Variants in DLGAP1 observed in about 807,000 individuals in gnomAD.
The protein encoded by DLGAP1 is DLG associated protein 1, also known as disks large-associated protein 1.
In DLGAP1, 11 loss-of-function variants were observed where a neutral mutation model predicts 90.8. The ratio of observed to expected loss-of-function variants is 0.12; its 90% CI spans 0.08 to 0.20. The LOEUF is 0.20. Among genes scored for constraint, DLGAP1 ranks in the 10% least tolerant of loss-of-function variants. The pLI is 1.00. For synonymous variants in DLGAP1, 558 were observed against 540.7 expected, an observed-to-expected ratio of 1.03 and a Z score of -0.44; for missense variants, 1,050 against 1,333.8, an observed-to-expected ratio of 0.79 and a Z score of 3.31.
chr18:4,391,758 C>T (rs1027460203), intron 1 of DLGAP1, among the ~76,000 whole-genome samples: 4 of 152,110 alleles, frequency 2.6e-5, no homozygotes, highest in Admixed American at 6.5e-5. Context: ...CTCCCAGAAA[C>T]GCATGTTCTT....
chr18:3,880,248 A>G, intron 3 of DLGAP1, 108 bp from the exon 4 acceptor site: 1 of 627,412 alleles, frequency 1.6e-6, no homozygotes, highest in Non-Finnish European at 2.8e-6. Context: ...CACAGGCGCC[A>G]TCTCTGCTTC....
intron 10 of DLGAP1, among the ~76,000 whole-genome samples, chr18:3,523,630 G>A (rs12709596): frequency 0.45 from 68,045 of 150,996 alleles, 16,572 homozygotes; most frequent in African/African-American, 0.64. Context: ...GGCGGATCAC[G>A]AGGTCAGGAG....
At chr18:4,356,956 C>T (rs1438672820) in intron 1 of DLGAP1, among the ~76,000 whole-genome samples, 1 of 151,980 alleles carries the variant, frequency 6.6e-6, no homozygotes, top group Non-Finnish European at 1.5e-5. Flanking sequence ...ACAAGGATAA[C>T]ACTCCCCCTT....
intron 1 of DLGAP1, among the ~76,000 whole-genome samples, chr18:4,345,097 C>T (rs935588329): frequency 6.6e-6 from 1 of 152,126 alleles, no homozygotes; most frequent in African/African-American, 2.4e-5. Flanking sequence ...CAACATCCGT[C>T]CACCCAAGAT....
chr18:3,556,079 C>T (rs996466741), intron 9 of DLGAP1, among the ~76,000 whole-genome samples: 1 of 152,208 alleles, frequency 6.6e-6, no homozygotes, highest in African/African-American at 2.4e-5. Flanking sequence ...CCCAGGACAA[C>T]ACACTGAGGT....
At chr18:3,571,022 A>T (rs2054750484) in intron 8 of DLGAP1, among the ~76,000 whole-genome samples, 1 of 151,908 alleles carries the variant, frequency 6.6e-6, no homozygotes, top group African/African-American at 2.4e-5. Context: ...AAACTTTAAC[A>T]TCAAATTGTC....
chr18:4,352,695 AC>A (rs1232222242), intron 1 of DLGAP1, among the ~76,000 whole-genome samples: 1 of 152,010 alleles, frequency 6.6e-6, no homozygotes, highest in Non-Finnish European at 1.5e-5. Context: ...ACATTTCCCC[AC>A]CCAGGACAAC....
chr18:3,920,407 G>A (rs555820389), intron 3 of DLGAP1, among the ~76,000 whole-genome samples: 2 of 148,892 alleles, frequency 1.3e-5, no homozygotes, highest in African/African-American at 2.5e-5. Flanking sequence ...TTTTCGTGAT[G>A]TGTTATATAC....
chr18:4,272,997 C>A (rs1401565506), intron 1 of DLGAP1, among the ~76,000 whole-genome samples: 1 of 152,082 alleles, frequency 6.6e-6, no homozygotes, highest in Non-Finnish European at 1.5e-5. Flanking sequence ...TAGGATGCAT[C>A]AAGGAGGGAT....
At chr18:4,270,731 T>G (rs1488472007) in intron 1 of DLGAP1, among the ~76,000 whole-genome samples, 2 of 151,924 alleles carry the variant, frequency 1.3e-5, no homozygotes, top group Admixed American at 1.3e-4. Context: ...TCAATTTTAA[T>G]TTAGTAATCA....
chr18:3,802,990 G>T (rs1378352532), intron 5 of DLGAP1, among the ~76,000 whole-genome samples: 1 of 152,094 alleles, frequency 6.6e-6, no homozygotes, highest in Admixed American at 6.6e-5. Flanking sequence ...CTGAAGAAAG[G>T]CTACCTAAAA....
intron 1 of DLGAP1, among the ~76,000 whole-genome samples, chr18:4,267,954 ACTTC>A (rs1157063100): frequency 6.6e-6 from 1 of 152,224 alleles, no homozygotes; most frequent in Non-Finnish European, 1.5e-5. Context: ...ACATACTATC[ACTTC>A]TGCCATATTC....
intron 7 of DLGAP1, among the ~76,000 whole-genome samples, chr18:3,632,069 C>T (rs1167133115): frequency 6.6e-6 from 1 of 152,184 alleles, no homozygotes; most frequent in African/African-American, 2.4e-5. Context: ...GCCACTGTGC[C>T]TGGCCTCACA....
At chr18:4,425,687 A>C (rs1377089322) in intron 1 of DLGAP1, among the ~76,000 whole-genome samples, 1 of 152,206 alleles carries the variant, frequency 6.6e-6, no homozygotes, top group East Asian at 1.9e-4. Flanking sequence ...TGCTAAGGAC[A>C]ATGCAGTGAT....
intron 1 of DLGAP1, among the ~76,000 whole-genome samples, chr18:4,263,469 A>G (rs2079043347): frequency 1.3e-5 from 2 of 152,168 alleles, no homozygotes; most frequent in Admixed American, 6.5e-5. Flanking sequence ...GTAAATATTA[A>G]ATAAAATGCA....
chr18:4,033,064 A>G (rs2074824535), intron 2 of DLGAP1, among the ~76,000 whole-genome samples: 1 of 152,226 alleles, frequency 6.6e-6, no homozygotes, highest in Non-Finnish European at 1.5e-5. Context: ...TCCTTAATCA[A>G]TGATATATTT....
intron 9 of DLGAP1, among the ~76,000 whole-genome samples, chr18:3,549,924 T>C (rs1323547425): frequency 6.6e-6 from 1 of 151,932 alleles, no homozygotes; most frequent in Non-Finnish European, 1.5e-5. Flanking sequence ...ATTTATTTAC[T>C]TATTTTTAAG....
At chr18:3,889,602 C>T (rs1025309875) in intron 3 of DLGAP1, among the ~76,000 whole-genome samples, 1 of 152,156 alleles carries the variant, frequency 6.6e-6, no homozygotes, top group East Asian at 1.9e-4. Flanking sequence ...TTGGGAATTT[C>T]TTCCCTACTC....
At chr18:4,265,503 TTTG>T (rs1316901382) in intron 1 of DLGAP1, among the ~76,000 whole-genome samples, 1 of 143,184 alleles carries the variant, frequency 7.0e-6, no homozygotes, top group Non-Finnish European at 1.6e-5. Flanking sequence ...TTCCTTTTTC[TTTG>T]TTTCTTCTTT....
Sources: gnomAD v4.1 joint callset for allele counts (sites outside exome capture counted in the v4.1 genomes callset) on GRCh38, gnomAD v4.1.1 for gene constraint, MANE v1.5 for transcripts, NCBI Gene and HGNC (gene_info 2026-07-23, HGNC 2026-07-21) for gene names.